Variants in TBC1D28 observed in about 807,000 individuals in gnomAD.
TBC1D28 encodes the protein TBC1 domain family member 28.
In TBC1D28, 20 loss-of-function variants were observed where a neutral mutation model predicts 29.2. That is an observed-to-expected ratio of 0.68 (90% CI 0.48 to 0.99). The LOEUF (loss-of-function observed/expected upper bound fraction) is 0.99. Among genes scored for constraint, TBC1D28 ranks in the 50% least tolerant of loss-of-function variants. TBC1D28 has a pLI of 0.00. For missense variants in TBC1D28, 205 were observed against 243.7 expected (o/e 0.84, Z 1.06); for synonymous variants, 65 against 90.9 (o/e 0.71, Z 1.62).
chr17:18,634,689 G>A (rs1396008048), downstream of TBC1D28, among the ~76,000 whole-genome samples: 1 of 152,228 alleles, frequency 6.6e-6, no homozygotes, highest in Non-Finnish European at 1.5e-5. Flanking sequence ...AGGAGCCCAC[G>A]AGGTTCACAG....
chr17:18,636,380 A>G lies in TBC1D28; in HGVS notation c.*82T>C, dbSNP rs1006053909. 4 of 1,569,438 alleles carry G rather than the reference A, an allele frequency of 2.5e-6. No individual in the cohort carries two copies. The African/African-American group carries it at 4.1e-5, about 16-fold the overall frequency. On this transcript the variant is annotated 3_prime_UTR_variant, in exon 9 of 9. Transcript: ENST00000345096. ...GTGGTGATTGGGTCCATGTGAGACC[A>G]GGAGTCTGGGCTTCAACCCTTTTCT...
At chr17:18,642,793 G>A (rs1352030049), upstream of TBC1D28, 1 of 152,224 alleles carries the variant, frequency 6.6e-6, no homozygotes, top group African/African-American at 2.4e-5. Context: ...ATGCACCACA[G>A]AACCAGACAC....
exon 8 of TBC1D28, chr17:18,637,954 T>C (rs1023383092): frequency 3.7e-6 from 6 of 1,609,850 alleles, no homozygotes; most frequent in Non-Finnish European, 5.1e-6. Context: ...GGAGGACCTC[T>C]TGCCCTTCTC....
downstream of TBC1D28, among the ~76,000 whole-genome samples, chr17:18,634,832 CCCTCAGCCTCCTCAGCCCCTCAGCCG>C (rs2031407654): frequency 8.5e-6 from 1 of 117,604 alleles, no homozygotes; most frequent in Admixed American, 8.1e-5. Context: ...GCCCCTCAGC[CCCTCAGCCTCCTCAGCCCCTCAGCCG>C]CCTCAGCCGC....
upstream of TBC1D28, among the ~76,000 whole-genome samples, chr17:18,643,218 C>T (rs868107389): frequency 4.3e-4 from 65 of 152,268 alleles, no homozygotes; most frequent in African/African-American, 1.5e-3. Flanking sequence ...GGTTAGAGGG[C>T]ACAGGACAGG....
intron 7 of TBC1D28, 123 bp downstream of exon 8, chr17:18,638,190 T>C (rs2031591753): frequency 7.6e-7 from 1 of 1,310,420 alleles, no homozygotes; most frequent in Admixed American, 2.0e-5. Context: ...ATGCCCAGGA[T>C]GTGCATCTGA....
At chr17:18,642,027 G>A in exon 1 of TBC1D28, 2 of 166,562 alleles carry the variant, frequency 1.2e-5, no homozygotes, top group South Asian at 2.3e-4. Flanking sequence ...ACAAGAGAAC[G>A]CTGGGGCCTT....
chr17:18,637,383 G>C (rs573675365), intron 8 of TBC1D28, among the ~76,000 whole-genome samples: 17 of 127,200 alleles, frequency 1.3e-4, no homozygotes, highest in Admixed American at 8.1e-4. Flanking sequence ...TGTGTGGTAC[G>C]AGGCCACTGA....
chr17:18,643,373 G>A (rs2031855221), upstream of TBC1D28, among the ~76,000 whole-genome samples: 1 of 150,224 alleles, frequency 6.7e-6, no homozygotes, highest in African/African-American at 2.5e-5. Flanking sequence ...AGGCAAGGAG[G>A]CTCTAAGGAC....
upstream of TBC1D28, among the ~76,000 whole-genome samples, chr17:18,643,312 C>T (rs975864336): frequency 6.6e-6 from 1 of 151,556 alleles, no homozygotes; most frequent in East Asian, 1.9e-4. Context: ...TTTTCACCTC[C>T]TCCTCCCAGT....
At chr17:18,634,815 C>CCCTCA (rs2031403431), downstream of TBC1D28, among the ~76,000 whole-genome samples, 20 of 112,478 alleles carry the variant, frequency 1.8e-4, no homozygotes, top group African/African-American at 4.8e-4. Flanking sequence ...GCCCCTCAGC[C>CCCTCA]GCCTCAGCCC....
At chr17:18,641,157 G>A in intron 3 of TBC1D28, 53 bp from the exon 5 acceptor site, 1 of 914,862 alleles carries the variant, frequency 1.1e-6, no homozygotes. Context: ...GGTGTGGGAG[G>A]CCCAGGGAGG....
At chr17:18,642,749 A>T, upstream of TBC1D28, 1 of 152,322 alleles carries the variant, frequency 6.6e-6, no homozygotes, top group Non-Finnish European at 1.5e-5. Flanking sequence ...GAGTCTGCTC[A>T]GGCTGCTGTG....
At chr17:18,636,092 G>A (rs185557253) in exon 9 of TBC1D28, 1 of 1,035,756 alleles carries the variant, frequency 9.7e-7, no homozygotes, top group Non-Finnish European at 1.2e-6. Context: ...CAAGCAGGAA[G>A]AGCCACCTGG....
exon 9 of TBC1D28, chr17:18,635,805 C>G (rs1200498225): frequency 1.0e-6 from 1 of 985,978 alleles, no homozygotes; most frequent in Admixed American, 6.1e-5. Context: ...ATGAAGTAAT[C>G]CACGCCAACC....
chr17:18,640,447 C>T (rs939802806), intron 4 of TBC1D28, among the ~76,000 whole-genome samples: 2 of 150,584 alleles, frequency 1.3e-5, no homozygotes, highest in Non-Finnish European at 3.0e-5. Flanking sequence ...AGGTCCCTTC[C>T]CTGCACCACT....
At chr17:18,637,701 G>A (rs1244411761) in intron 8 of TBC1D28, among the ~76,000 whole-genome samples, 163 bp downstream of exon 9, 6 of 152,112 alleles carry the variant, frequency 3.9e-5, no homozygotes, top group African/African-American at 7.2e-5. Context: ...GCTTAGAGCC[G>A]GGAGGTGCTC....
intron 4 of TBC1D28, among the ~76,000 whole-genome samples, chr17:18,640,324 A>G (rs1209234444): frequency 1.4e-5 from 2 of 144,516 alleles, no homozygotes; most frequent in Non-Finnish European, 3.0e-5. Flanking sequence ...GGTGCCTTCC[A>G]GAAGTGGCAG....
At chr17:18,644,121 A>T (rs56082219), upstream of TBC1D28, among the ~76,000 whole-genome samples, 44,716 of 146,886 alleles carry the variant, frequency 0.3, 4,927 homozygotes, top group South Asian at 0.4. Context: ...GAATGGGTAC[A>T]TTCGGGGACA....
Sources: allele counts gnomAD v4.1 joint callset (sites outside exome capture counted in the v4.1 genomes callset), GRCh38; gene constraint gnomAD v4.1.1; transcripts MANE v1.5; gene names NCBI Gene and HGNC (gene_info 2026-07-23, HGNC 2026-07-21).